The following EML5 variants were observed in gnomAD, a reference collection of about 807,000 sequenced individuals.
The protein encoded by EML5 is EMAP like 5, also known as echinoderm microtubule-associated protein-like 5.
In EML5, 120 loss-of-function variants were observed where a neutral mutation model predicts 250.0. The observed-to-expected ratio is 0.48, with a 90% confidence interval of 0.41 to 0.56. The LOEUF (loss-of-function observed/expected upper bound fraction) is 0.56. Among genes scored for constraint, EML5 ranks in the 20% least tolerant of loss-of-function variants. The pLI, the probability that EML5 is intolerant of heterozygous loss-of-function variation, is 0.00. For synonymous variants in EML5, 771 were observed against 806.5 expected (o/e 0.96, Z 0.75); for missense variants, 2,006 against 2,437.6 (o/e 0.82, Z 3.73).
In EML5 at chr14:88,778,089, A is replaced by T. The variant is rs181793660; in HGVS notation, c.197+14218T>A. Reference sequence around the variant, plus strand: ...TGTTATCAGCTTAAAATAATGGATGATAGTATTTGCAAGTCTCATGGTAAC... The same window carrying T: ...TGTTATCAGCTTAAAATAATGGATGTTAGTATTTGCAAGTCTCATGGTAAC... On this transcript the variant is annotated intron_variant, in intron 1 of 43. Transcript: ENST00000554922. Among the ~76,000 whole-genome samples the T allele has an allele frequency of 4.6e-5, 7 of 152,344 alleles. No individual in the cohort carries two copies. In the East Asian group the frequency reaches 1.3e-3, roughly 29 times the overall value.
intron 20 of EML5, among the ~76,000 whole-genome samples, 164 bp downstream of exon 20, chr14:88,684,851 C>CATTAATTTTTTCT (rs1299682341): frequency 6.6e-6 from 1 of 150,522 alleles, no homozygotes; most frequent in African/African-American, 2.4e-5. Context: ...TTTCTGTATA[C>CATTAATTTTTTCT]GTTAAAATTT....
intron 9 of EML5, 58 bp downstream of exon 9, chr14:88,714,881 T>C (rs2093467091): frequency 6.6e-7 from 1 of 1,510,054 alleles, no homozygotes; most frequent in Non-Finnish European, 9.0e-7. Context: ...CTGCTTCCAG[T>C]AAAACTCTAA....
intron 24 of EML5, among the ~76,000 whole-genome samples, chr14:88,662,123 CAAGT>C (rs1567082582): frequency 6.6e-6 from 1 of 151,866 alleles, no homozygotes; most frequent in Admixed American, 6.6e-5. Flanking sequence ...TTAGGATAAT[CAAGT>C]AAGATTCTTA....
Position 88,627,788 on chromosome 14 carries a change from T to C in EML5, c.4389A>G (p.Ala1463=). ...ATAPSIHIWD[A]MNKQTLSILR... Reference sequence around the variant, plus strand: ...GGATAGATAAAGTCTGCTTGTTCATTGCATCCCAGATGTGAATAGAAGGAG... The same window carrying C: ...GGATAGATAAAGTCTGCTTGTTCATCGCATCCCAGATGTGAATAGAAGGAG... The change falls in exon 34 of 44, where the codon GCA becomes GCG. Residue 1463 remains alanine (A), a synonymous_variant. Coordinates refer to ENST00000554922, the MANE Select transcript of EML5 (RefSeq NM_183387.3). 1.2e-6 allele frequency: 2 copies of C among 1,606,114 alleles called. No individual in the cohort carries two copies. The highest frequency in any genetic ancestry group is 8.5e-7 in the Non-Finnish European group (1 of 1,176,506).
intron 28 of EML5, 88 bp downstream of exon 28, chr14:88,649,824 T>A (rs531550899): frequency 9.1e-7 from 1 of 1,103,670 alleles, no homozygotes; most frequent in African/African-American, 1.6e-5. Context: ...TTAAATGTTT[T>A]ATAGGGAAAA....
intron 41 of EML5, 40 bp downstream of exon 41, chr14:88,618,188 T>TCAA: frequency 6.4e-7 from 1 of 1,572,440 alleles, no homozygotes; most frequent in Non-Finnish European, 8.7e-7. Context: ...TAACTGGCCT[T>TCAA]CAAAGTCAGT....
intron 27 of EML5, among the ~76,000 whole-genome samples, chr14:88,655,571 C>G (rs1368762771): frequency 6.6e-6 from 1 of 152,004 alleles, no homozygotes; most frequent in Non-Finnish European, 1.5e-5. Flanking sequence ...CATGGGCAAA[C>G]ACTTCATGAC....
intron 21 of EML5, among the ~76,000 whole-genome samples, chr14:88,681,461 T>A (rs1282113134): frequency 6.6e-6 from 1 of 152,212 alleles, no homozygotes; most frequent in East Asian, 1.9e-4. Flanking sequence ...GACAGCTTCA[T>A]CTGCTTCCTA....
chr14:88,711,762 T>C (rs559551493), intron 10 of EML5, among the ~76,000 whole-genome samples: 158 of 152,144 alleles, frequency 1.0e-3, no homozygotes, highest in Non-Finnish European at 2.0e-3. Flanking sequence ...CTGGCCAACA[T>C]GGTGAAACCC....
intron 21 of EML5, 129 bp downstream of exon 21, chr14:88,681,761 T>C (rs375425802): frequency 2.6e-5 from 28 of 1,079,928 alleles, no homozygotes; most frequent in Non-Finnish European, 3.1e-5. Context: ...CATGAGCAAG[T>C]AGACATTGAA....
intron 21 of EML5, 117 bp from the exon 22 acceptor site, chr14:88,665,606 T>C (rs1196096505): frequency 3.6e-6 from 5 of 1,372,828 alleles, no homozygotes; most frequent in Non-Finnish European, 5.0e-6. Flanking sequence ...GCAGGAGGAC[T>C]GCCCGCGGCC....
chr14:88,709,614 T>C (rs1220445462), intron 10 of EML5, among the ~76,000 whole-genome samples: 12 of 152,312 alleles, frequency 7.9e-5, no homozygotes, highest in Admixed American at 5.2e-4. Context: ...GCTGAATCAA[T>C]AGGCTTTGTA....
intron 1 of EML5, among the ~76,000 whole-genome samples, chr14:88,758,196 A>AT (rs1449174810): frequency 6.7e-6 from 1 of 150,362 alleles, no homozygotes; most frequent in Non-Finnish European, 1.5e-5. Context: ...ATATATGTGT[A>AT]TTTATTTTTT....
intron 5 of EML5, among the ~76,000 whole-genome samples, chr14:88,739,950 C>A (rs1023131648): frequency 6.6e-6 from 1 of 152,142 alleles, no homozygotes; most frequent in African/African-American, 2.4e-5. Context: ...GGGACCCAAA[C>A]TGCTAAAAAG....
At chr14:88,685,193 AAC>A (rs1459377406) in intron 19 of EML5, 51 bp from the exon 20 acceptor site, 7 of 1,483,642 alleles carry the variant, frequency 4.7e-6, no homozygotes, top group Non-Finnish European at 6.4e-6. Flanking sequence ...ACTATAATAC[AAC>A]AGTGTATATA....
At position 88,706,328 on chromosome 14, in the gene EML5, G is replaced by C. The variant is rs760375207; in HGVS notation, c.1756C>G (p.His586Asp). The change falls in exon 11 of 44, where the codon CAC becomes GAC. Residue 586 changes from histidine to aspartate, a missense_variant. His to Asp is a moderately conservative substitution (Grantham distance 81). Coordinates refer to ENST00000554922, the MANE Select transcript of EML5 (RefSeq NM_183387.3). ...QWVISIGGAD[H>D]SVFQWKFIPE... The stretch of plus-strand genomic sequence containing the variant: ...ATAAATTTCCACTGAAAGACAGAGT[G>C]ATCTGCTCCACCAATAGAAATAACC... The C allele has an allele frequency of 6.2e-7, 1 of 1,610,298 alleles. No homozygotes were observed. Among genetic ancestry groups the C allele is most frequent in the Non-Finnish European group, 8.5e-7 (1 of 1,178,330 alleles).
chr14:88,647,687 CAAAAAAAAAAA>C lies in EML5; in HGVS notation c.4020-743_4020-733del, dbSNP rs34191990. On this transcript the variant is annotated intron_variant, in intron 28 of 43. Transcript: ENST00000554922. ...CCTAGGTAACAGAGTGAGACCGTCT[CAAAAAAAAAAA>C]AAAAAAAAAAAAGGGTTACTCCATT... Among the ~76,000 whole-genome samples the C allele has an allele frequency of 8.2e-5, 4 of 48,744 alleles. 1 individual carries two copies. The South Asian group carries it at 3.0e-3, about 36-fold the overall frequency. 32.0% of individuals were successfully genotyped at this position (48,744 alleles called of 152,430 possible).
chr14:88,788,908 A>G (rs2094577796), intron 1 of EML5, among the ~76,000 whole-genome samples: 1 of 151,706 alleles, frequency 6.6e-6, no homozygotes, highest in Non-Finnish European at 1.5e-5. Context: ...GAAAAAAAAA[A>G]AAAAATAGCC....
chr14:88,678,197 AC>A, intron 21 of EML5, among the ~76,000 whole-genome samples: 1 of 152,182 alleles, frequency 6.6e-6, no homozygotes, highest in Non-Finnish European at 1.5e-5. Context: ...GGAACAGAAA[AC>A]CAAATACTGC....
Sources: allele counts gnomAD v4.1 joint callset (sites outside exome capture counted in the v4.1 genomes callset), GRCh38; gene constraint gnomAD v4.1.1; transcripts MANE v1.5; gene names NCBI Gene and HGNC (gene_info 2026-07-23, HGNC 2026-07-21).